The following TRPC7 variants were observed in gnomAD, a reference collection of about 807,000 sequenced individuals.
The protein encoded by TRPC7 is transient receptor potential cation channel subfamily C member 7, also known as short transient receptor potential channel 7.
Under a neutral mutation model 90.1 loss-of-function variants are expected in TRPC7, and 42 were observed. The observed-to-expected ratio is 0.47, with a 90% confidence interval of 0.36 to 0.60. The LOEUF is 0.60. Ranked by LOEUF, TRPC7 falls within the 20% of genes least tolerant of loss-of-function variation. The pLI, the probability that TRPC7 is intolerant of heterozygous loss-of-function variation, is 0.00. For synonymous variants in TRPC7, 451 were observed against 436.3 expected, an observed-to-expected ratio of 1.03 and a Z score of -0.42; for missense variants, 955 against 1,112.3, an observed-to-expected ratio of 0.86 and a Z score of 2.01.
At chr5:136,309,960 C>T (rs780078378) in intron 3 of TRPC7, among the ~76,000 whole-genome samples, 4 of 152,134 alleles carry the variant, frequency 2.6e-5, no homozygotes, top group Non-Finnish European at 5.9e-5. Flanking sequence ...TTTACAACCA[C>T]TCCTGATTAA....
chr5:136,338,772 C>A lies in TRPC7; in HGVS notation c.780+17836G>T, dbSNP rs192596176. On this transcript the variant is annotated intron_variant, in intron 2 of 11. Coordinates refer to ENST00000513104, the MANE Select transcript of TRPC7 (RefSeq NM_020389.3). ...TTTTCTTGATTGGCATTAAATGGGACCCTATCTTGGATCCCAGGGCTACAA... is the reference window on the plus strand; with the variant it reads ...TTTTCTTGATTGGCATTAAATGGGAACCTATCTTGGATCCCAGGGCTACAA... Among the ~76,000 whole-genome samples the A allele has an allele frequency of 2.4e-3, 358 of 152,142 alleles. 1 individual carries two copies. The highest frequency in any genetic ancestry group is 4.4e-3 in the Admixed American group (67 of 15,294).
intron 3 of TRPC7, among the ~76,000 whole-genome samples, chr5:136,302,741 C>T (rs1758443812): frequency 6.6e-6 from 1 of 152,184 alleles, no homozygotes. Flanking sequence ...TTCAATGTTT[C>T]CATCCTACAA....
At chr5:136,227,682 G>C (rs1352136827) in intron 8 of TRPC7, among the ~76,000 whole-genome samples, 3 of 152,204 alleles carry the variant, frequency 2.0e-5, no homozygotes, top group Non-Finnish European at 4.4e-5. Flanking sequence ...TCCGTCCTGA[G>C]AGGAAGTGTG....
intron 2 of TRPC7, among the ~76,000 whole-genome samples, chr5:136,326,148 C>A (rs1325100148): frequency 1.3e-5 from 2 of 152,242 alleles, no homozygotes; most frequent in Non-Finnish European, 2.9e-5. Context: ...TGCTCAGGCC[C>A]ATGCCCACCT....
At chr5:136,349,054 A>G (rs1327465709) in intron 2 of TRPC7, among the ~76,000 whole-genome samples, 1 of 152,116 alleles carries the variant, frequency 6.6e-6, no homozygotes, top group Non-Finnish European at 1.5e-5. Flanking sequence ...TTTTATGTGT[A>G]GTGATGAATC....
At chr5:136,358,686 T>G (rs1485641372) in intron 1 of TRPC7, among the ~76,000 whole-genome samples, 3 of 152,214 alleles carry the variant, frequency 2.0e-5, no homozygotes, top group Non-Finnish European at 4.4e-5. Context: ...CTTGAGACCT[T>G]GAGCAGGTCC....
At chr5:136,221,496 G>A (rs1207622111) in intron 10 of TRPC7, among the ~76,000 whole-genome samples, 2 of 152,222 alleles carry the variant, frequency 1.3e-5, no homozygotes, top group African/African-American at 2.4e-5. Context: ...TTCTATGGGA[G>A]AGACAACTCT....
intron 3 of TRPC7, among the ~76,000 whole-genome samples, chr5:136,296,742 C>T (rs902751845): frequency 6.6e-6 from 1 of 152,184 alleles, no homozygotes; most frequent in Non-Finnish European, 1.5e-5. Flanking sequence ...CATGATTGTA[C>T]ACTGTCATTT....
At chr5:136,255,105 A>G (rs1756647946) in intron 5 of TRPC7, among the ~76,000 whole-genome samples, 1 of 152,230 alleles carries the variant, frequency 6.6e-6, no homozygotes, top group African/African-American at 2.4e-5. Context: ...TTCAGAGTCT[A>G]CTGGTGAAGA....
intron 2 of TRPC7, among the ~76,000 whole-genome samples, chr5:136,352,291 G>GC (rs989854243): frequency 6.6e-6 from 1 of 152,010 alleles, no homozygotes; most frequent in African/African-American, 2.4e-5. Context: ...TCCCCGCCCT[G>GC]CCCCACCAGG....
chr5:136,256,897 TA>T (rs1756703508), intron 5 of TRPC7, among the ~76,000 whole-genome samples: 1 of 152,100 alleles, frequency 6.6e-6, no homozygotes, highest in Non-Finnish European at 1.5e-5. Context: ...TCCCAGACAT[TA>T]ACCCAAGCAC....
intron 2 of TRPC7, among the ~76,000 whole-genome samples, chr5:136,352,586 T>C (rs1414746394): frequency 3.3e-5 from 5 of 152,162 alleles, no homozygotes; most frequent in African/African-American, 1.2e-4. Context: ...TTTTCCTGGC[T>C]ACTCTAGGTG....
chr5:136,305,467 A>G (rs953487334), intron 3 of TRPC7, among the ~76,000 whole-genome samples: 2 of 151,994 alleles, frequency 1.3e-5, no homozygotes, highest in South Asian at 2.1e-4. Context: ...CTCAGGGATT[A>G]TTCAGGCCCC....
At chr5:136,298,970 G>C (rs1339198600) in intron 3 of TRPC7, among the ~76,000 whole-genome samples, 1 of 152,016 alleles carries the variant, frequency 6.6e-6, no homozygotes, top group African/African-American at 2.4e-5. Context: ...TTGGGTGGAA[G>C]ATTTAACTGT....
chr5:136,231,239 G>C (rs1438460979), intron 8 of TRPC7, 115 bp downstream of exon 8: 2 of 966,146 alleles, frequency 2.1e-6, no homozygotes, highest in Admixed American at 3.0e-5. Context: ...GTTCTTTGCT[G>C]TTCTGGCTGC....
intron 2 of TRPC7, among the ~76,000 whole-genome samples, chr5:136,336,888 A>G (rs1033900325): frequency 6.6e-6 from 1 of 152,218 alleles, no homozygotes; most frequent in Non-Finnish European, 1.5e-5. Context: ...TAGTCTAAGC[A>G]TCTGCCTTTA....
chr5:136,308,223 T>G (rs991527865), intron 3 of TRPC7, among the ~76,000 whole-genome samples: 1 of 152,240 alleles, frequency 6.6e-6, no homozygotes, highest in African/African-American at 2.4e-5. Context: ...GTAAAAGCCC[T>G]TCTGAGCCAG....
At chr5:136,297,527 G>A (rs1758224911) in intron 3 of TRPC7, among the ~76,000 whole-genome samples, 1 of 151,838 alleles carries the variant, frequency 6.6e-6, no homozygotes, top group African/African-American at 2.4e-5. Context: ...ATATTAATTT[G>A]TAATACTTAT....
chr5:136,225,331 C>T lies in TRPC7; in HGVS notation c.2286G>A (p.Met762Ile). The change falls in exon 10 of 12, where the codon ATG becomes ATA. Residue 762 changes from methionine to isoleucine, a missense_variant. Met to Ile is a conservative substitution (Grantham distance 10). Coordinates refer to ENST00000513104, the MANE Select transcript of TRPC7 (RefSeq NM_020389.3). ...TTGCTGTCAGATTTTCAGAATTCCT[C>T]ATGCCAGCCTGGTAGCGAGTCTTCT... The part of the protein sequence containing the change: ...KFKKTRYQAG[M>I]RNSENLTANN... 1.9e-6 allele frequency: 3 copies of T among 1,612,944 alleles called. No individual in the cohort carries two copies. Among genetic ancestry groups the T allele is most frequent in the Non-Finnish European group, 2.5e-6 (3 of 1,179,596 alleles).
Sources: gnomAD v4.1 joint callset for allele counts (sites outside exome capture counted in the v4.1 genomes callset) on GRCh38, gnomAD v4.1.1 for gene constraint, MANE v1.5 for transcripts, NCBI Gene and HGNC (gene_info 2026-07-23, HGNC 2026-07-21) for gene names.